RIMKLA: variants seen among roughly 807,000 people sequenced by gnomAD.
The protein encoded by RIMKLA is ribosomal modification protein rimK like family member A.
In RIMKLA, 14 loss-of-function variants were observed where a neutral mutation model predicts 32.7. That is an observed-to-expected ratio of 0.43 (90% CI 0.28 to 0.67). The LOEUF is 0.67. Among genes scored for constraint, RIMKLA ranks in the 30% least tolerant of loss-of-function variants. The probability of loss-of-function intolerance (pLI) is 0.18; values close to 1 mark genes in which losing one functional copy is unlikely to be tolerated. For synonymous variants in RIMKLA, 176 were observed against 204.1 expected, an observed-to-expected ratio of 0.86 and a Z score of 1.18; for missense variants, 410 against 519.0, an observed-to-expected ratio of 0.79 and a Z score of 2.04.
chr1:42,410,310 A>T (rs1276032628), intron 4 of RIMKLA, 123 bp downstream of exon 4: 1 of 788,378 alleles, frequency 1.3e-6, no homozygotes, highest in Non-Finnish European at 2.0e-6. Flanking sequence ...GAGAATGAGG[A>T]ACAAACTCTT....
rs538048471 is a variant in RIMKLA, at chr1:42,380,838, G to T, written c.-97G>T. ...GCGGGAGCGGAGCCGTGGCGCGCTC[G>T]CCCCGGACGCCGGCCGCCCCTCCGC... On this transcript the variant is annotated 5_prime_UTR_variant, in exon 1 of 5. Coordinates refer to ENST00000431473, the MANE Select transcript of RIMKLA (RefSeq NM_173642.4). The T allele has an allele frequency of 1.1e-4, 83 of 741,392 alleles. No individual in the cohort carries two copies. The African/African-American group carries it at 1.6e-3, about 14-fold the overall frequency. The allele number at this position is 741,392 out of a possible 1,614,324, so 45.9% of individuals were successfully genotyped here.
At chr1:42,410,997 A>G (rs1234778507) in intron 4 of RIMKLA, among the ~76,000 whole-genome samples, 1 of 152,190 alleles carries the variant, frequency 6.6e-6, no homozygotes, top group Non-Finnish European at 1.5e-5. Flanking sequence ...TGTAGAGATG[A>G]TGAGAGAGCC....
chr1:42,392,109 A>G (rs185155495), intron 1 of RIMKLA, among the ~76,000 whole-genome samples: 1 of 152,256 alleles, frequency 6.6e-6, no homozygotes, highest in East Asian at 1.9e-4. Flanking sequence ...AGAGGTAGAG[A>G]TTATGAATTT....
Position 42,403,811 on chromosome 1 carries a change from G to A in RIMKLA, c.395-700G>A, listed in dbSNP as rs553525814. ...TCCTTAGGCTGAAATCATGGTGTCA[G>A]CTGGGGTTGTGGTCTTACCTGAAGT... On this transcript the variant is annotated intron_variant, in intron 2 of 4. Coordinates refer to ENST00000431473, the MANE Select transcript of RIMKLA (RefSeq NM_173642.4). Among the ~76,000 whole-genome samples the A allele has an allele frequency of 2.6e-5, 4 of 152,336 alleles. No individual in the cohort carries two copies. The South Asian group carries it at 8.3e-4, about 32-fold the overall frequency.
chr1:42,383,919 T>G (rs931931214), intron 1 of RIMKLA, among the ~76,000 whole-genome samples: 5 of 152,258 alleles, frequency 3.3e-5, no homozygotes, highest in Non-Finnish European at 5.9e-5. Flanking sequence ...TGAGTTATAT[T>G]GAGGCTAGAC....
intron 1 of RIMKLA, among the ~76,000 whole-genome samples, chr1:42,393,596 G>A (rs973662606): frequency 5.9e-5 from 9 of 151,366 alleles, no homozygotes; most frequent in African/African-American, 2.2e-4. Context: ...TAAAAGGGAA[G>A]GAGAGGGGTG....
intron 1 of RIMKLA, among the ~76,000 whole-genome samples, chr1:42,399,145 G>A (rs1643072642): frequency 6.6e-6 from 1 of 152,076 alleles, no homozygotes; most frequent in African/African-American, 2.4e-5. Context: ...TATATCTCCT[G>A]TGGATTCTTT....
intron 1 of RIMKLA, among the ~76,000 whole-genome samples, chr1:42,392,230 G>C (rs1643005531): frequency 1.3e-5 from 2 of 152,148 alleles, no homozygotes; most frequent in South Asian, 2.1e-4. Context: ...CATCCTAACT[G>C]CTCCCTCCTC....
At chr1:42,387,384 G>A (rs866591637) in intron 1 of RIMKLA, among the ~76,000 whole-genome samples, 3 of 141,986 alleles carry the variant, frequency 2.1e-5, no homozygotes, top group African/African-American at 2.5e-5. Flanking sequence ...GCAATAGAGC[G>A]AGACCCTGTT....
intron 1 of RIMKLA, among the ~76,000 whole-genome samples, chr1:42,395,686 T>C (rs1424554304): frequency 6.6e-6 from 1 of 152,178 alleles, no homozygotes; most frequent in Non-Finnish European, 1.5e-5. Flanking sequence ...GGAGAGGTGA[T>C]ACATTAAGCT....
rs1447010781 is a variant in RIMKLA, at chr1:42,415,089, G to T, written c.*115G>T. The T allele has an allele frequency of 8.6e-6, 10 of 1,156,250 alleles. No homozygotes were observed. In the East Asian group the frequency reaches 2.4e-4, roughly 27 times the overall value. The allele number at this position is 1,156,250 out of a possible 1,614,324, so 71.6% of individuals were successfully genotyped here. ...TGCACAGAAACTAGAAATCCCATCT[G>T]GGCACTCAGCATTTTTTCTAACGAT... On this transcript the variant is annotated 3_prime_UTR_variant, in exon 5 of 5. Transcript: ENST00000431473.
intron 4 of RIMKLA, among the ~76,000 whole-genome samples, chr1:42,410,878 G>A (rs568856896): frequency 6.6e-6 from 1 of 152,266 alleles, no homozygotes; most frequent in South Asian, 2.1e-4. Flanking sequence ...CACCATATGA[G>A]TATACCAAGT....
chr1:42,408,650 A>C (rs920996328), intron 3 of RIMKLA, among the ~76,000 whole-genome samples: 3 of 151,826 alleles, frequency 2.0e-5, no homozygotes, highest in Admixed American at 6.6e-5. Context: ...TAAACTCCTG[A>C]CCTGAGGTGA....
At chr1:42,393,676 T>C (rs1643018204) in intron 1 of RIMKLA, among the ~76,000 whole-genome samples, 1 of 152,020 alleles carries the variant, frequency 6.6e-6, no homozygotes, top group Non-Finnish European at 1.5e-5. Flanking sequence ...TAGGAAGAAA[T>C]AAGGGGAAAG....
chr1:42,395,458 G>GCCTCTC (rs2148387690), intron 1 of RIMKLA, among the ~76,000 whole-genome samples: 1 of 151,542 alleles, frequency 6.6e-6, no homozygotes, highest in African/African-American at 2.4e-5. Flanking sequence ...CAATTCAGCT[G>GCCTCTC]CCTCTCCCTC....
At chr1:42,411,863 G>A (rs1262090442) in intron 4 of RIMKLA, among the ~76,000 whole-genome samples, 2 of 151,836 alleles carry the variant, frequency 1.3e-5, no homozygotes, top group African/African-American at 4.8e-5. Context: ...GTGGAGACAG[G>A]GTTTCACCGT....
intron 3 of RIMKLA, among the ~76,000 whole-genome samples, chr1:42,408,701 G>A (rs545858533): frequency 1.4e-4 from 22 of 152,238 alleles, no homozygotes; most frequent in Non-Finnish European, 2.4e-4. Context: ...GATGTCAGGC[G>A]TGAGCCACTG....
chr1:42,412,075 G>A (rs1043268493), intron 4 of RIMKLA, among the ~76,000 whole-genome samples: 2 of 152,026 alleles, frequency 1.3e-5, no homozygotes, highest in African/African-American at 4.8e-5. Context: ...TAACCACGTG[G>A]CTTTATAATT....
At chr1:42,406,543 T>C (rs1173614581) in intron 3 of RIMKLA, among the ~76,000 whole-genome samples, 1 of 152,246 alleles carries the variant, frequency 6.6e-6, no homozygotes, top group Non-Finnish European at 1.5e-5. Context: ...TTCATCTATG[T>C]TGTAGCAAGT....
Sources: allele counts gnomAD v4.1 joint callset (sites outside exome capture counted in the v4.1 genomes callset), GRCh38; gene constraint gnomAD v4.1.1; transcripts MANE v1.5; gene names NCBI Gene and HGNC (gene_info 2026-07-23, HGNC 2026-07-21).